ST8SIA6: variants seen among roughly 807,000 people sequenced by gnomAD.
ST8SIA6 encodes the protein alpha-2,8-sialyltransferase 8F.
ST8SIA6 carries 39 observed loss-of-function variants against 33.6 expected under a neutral mutation model. The observed-to-expected ratio is 1.16, with a 90% confidence interval of 0.90 to 1.52. The LOEUF (loss-of-function observed/expected upper bound fraction) is 1.52, where lower values mean the gene tolerates loss of function less well. Among genes scored for constraint, ST8SIA6 ranks in the 40% most tolerant of loss-of-function variants. The pLI is 0.00. For missense variants in ST8SIA6, 441 were observed against 443.8 expected, an observed-to-expected ratio of 0.99 and a Z score of 0.06; for synonymous variants, 172 against 167.2, an observed-to-expected ratio of 1.03 and a Z score of -0.22.
At chr10:17,452,579 C>G (rs571858532) in intron 2 of ST8SIA6, among the ~76,000 whole-genome samples, 3 of 152,280 alleles carry the variant, frequency 2.0e-5, no homozygotes, top group Admixed American at 6.5e-5. Flanking sequence ...ACTTACTAAT[C>G]TCAACTCCTG....
chr10:17,346,753 C>A (rs1162768192), intron 4 of ST8SIA6, among the ~76,000 whole-genome samples: 1 of 152,178 alleles, frequency 6.6e-6, no homozygotes, highest in Non-Finnish European at 1.5e-5. Flanking sequence ...AGAACAATAG[C>A]TATGTGTGTC....
At chr10:17,431,996 C>A (rs1296991126) in intron 2 of ST8SIA6, among the ~76,000 whole-genome samples, 1 of 152,154 alleles carries the variant, frequency 6.6e-6, no homozygotes, top group Non-Finnish European at 1.5e-5. Context: ...AAGGGAGAGA[C>A]AGCCGGAAGC....
At chr10:17,452,526 A>G (rs1252535330) in intron 2 of ST8SIA6, among the ~76,000 whole-genome samples, 1 of 152,238 alleles carries the variant, frequency 6.6e-6, no homozygotes, top group East Asian at 1.9e-4. Context: ...TCGAGGAAGC[A>G]ACTGACAATG....
intron 4 of ST8SIA6, among the ~76,000 whole-genome samples, chr10:17,358,133 C>T (rs1227395292): frequency 1.3e-5 from 2 of 152,180 alleles, no homozygotes; most frequent in South Asian, 2.1e-4. Context: ...ATGGTATCCT[C>T]CAGGAAGTCA....
intron 4 of ST8SIA6, among the ~76,000 whole-genome samples, chr10:17,332,289 A>AT (rs914370848): frequency 1.3e-5 from 2 of 152,022 alleles, no homozygotes; most frequent in African/African-American, 2.4e-5. Context: ...AATGATTTAT[A>AT]TTTTTTTGCC....
chr10:17,406,545 A>T (rs770262737), intron 2 of ST8SIA6, among the ~76,000 whole-genome samples: 7 of 152,130 alleles, frequency 4.6e-5, no homozygotes, highest in Non-Finnish European at 8.8e-5. Flanking sequence ...TCTCTTGTTA[A>T]TCTGTCTTTT....
At chr10:17,416,362 A>G (rs148022800) in intron 2 of ST8SIA6, among the ~76,000 whole-genome samples, 128 of 152,168 alleles carry the variant, frequency 8.4e-4, no homozygotes, top group African/African-American at 2.9e-3. Flanking sequence ...TTTGAGTCCT[A>G]TCTCTCTGGC....
intron 3 of ST8SIA6, among the ~76,000 whole-genome samples, chr10:17,369,244 T>A (rs1234903057): frequency 6.6e-6 from 1 of 152,184 alleles, no homozygotes; most frequent in African/African-American, 2.4e-5. Flanking sequence ...ACCCCCTGCA[T>A]CCCATAAGTT....
At chr10:17,379,080 C>T (rs1272653553) in intron 3 of ST8SIA6, among the ~76,000 whole-genome samples, 1 of 150,574 alleles carries the variant, frequency 6.6e-6, no homozygotes, top group African/African-American at 2.5e-5. Flanking sequence ...GAGCTGAGAT[C>T]GCACCACTGC....
At chr10:17,341,246 C>A (rs886646651) in intron 4 of ST8SIA6, among the ~76,000 whole-genome samples, 1 of 152,238 alleles carries the variant, frequency 6.6e-6, no homozygotes, top group South Asian at 2.1e-4. Context: ...GCCTAGTGTG[C>A]TTGGATCTGT....
chr10:17,383,233 A>G (rs1190902179), intron 3 of ST8SIA6, among the ~76,000 whole-genome samples: 1 of 152,170 alleles, frequency 6.6e-6, no homozygotes, highest in Non-Finnish European at 1.5e-5. Flanking sequence ...GATATATGAC[A>G]AACTTTCTAA....
At chr10:17,339,548 C>T (rs1167273464) in intron 4 of ST8SIA6, among the ~76,000 whole-genome samples, 1 of 152,204 alleles carries the variant, frequency 6.6e-6, no homozygotes, top group African/African-American at 2.4e-5. Context: ...GGCCACATTT[C>T]TTTTTCTTCA....
At chr10:17,358,694 AAAG>A (rs1180239803) in intron 4 of ST8SIA6, among the ~76,000 whole-genome samples, 6 of 59,766 alleles carry the variant, frequency 1.0e-4, no homozygotes, top group Admixed American at 6.1e-4. Flanking sequence ...GGAAGAGGAA[AAAG>A]GAGGAGGAGG....
At chr10:17,388,122 G>C (rs938751754) in intron 3 of ST8SIA6, among the ~76,000 whole-genome samples, 3 of 152,220 alleles carry the variant, frequency 2.0e-5, no homozygotes, top group Admixed American at 6.5e-5. Flanking sequence ...GATCGTAGGT[G>C]AGGTTTCTAG....
intron 2 of ST8SIA6, among the ~76,000 whole-genome samples, chr10:17,401,552 A>C (rs1322704872): frequency 6.6e-6 from 1 of 152,218 alleles, no homozygotes; most frequent in African/African-American, 2.4e-5. Context: ...TACAGTAACC[A>C]AAACAGCATG....
intron 4 of ST8SIA6, among the ~76,000 whole-genome samples, chr10:17,349,438 T>C (rs1018041494): frequency 1.1e-4 from 17 of 152,198 alleles, no homozygotes; most frequent in Middle Eastern, 3.2e-3. Context: ...ATAATCAGAA[T>C]AGCTACCATG....
At chr10:17,323,730 T>G (rs1386572846) in intron 6 of ST8SIA6, among the ~76,000 whole-genome samples, 2 of 152,188 alleles carry the variant, frequency 1.3e-5, no homozygotes, top group Non-Finnish European at 2.9e-5. Context: ...TAATAACTTT[T>G]ATAAGTATCA....
intron 6 of ST8SIA6, among the ~76,000 whole-genome samples, chr10:17,324,844 A>T (rs2131577404): frequency 6.8e-6 from 1 of 146,736 alleles, no homozygotes; most frequent in Admixed American, 6.9e-5. Flanking sequence ...TATTATATGT[A>T]ATATTAGTAT....
intron 2 of ST8SIA6, among the ~76,000 whole-genome samples, chr10:17,451,556 C>A (rs1306452027): frequency 6.6e-6 from 1 of 152,100 alleles, no homozygotes; most frequent in Non-Finnish European, 1.5e-5. Flanking sequence ...GCACTTTACC[C>A]CCTAAACCTA....
Sources: gnomAD v4.1 joint callset for allele counts (sites outside exome capture counted in the v4.1 genomes callset) on GRCh38, gnomAD v4.1.1 for gene constraint, MANE v1.5 for transcripts, NCBI Gene and HGNC (gene_info 2026-07-23, HGNC 2026-07-21) for gene names.